Variants in NCKAP5 observed in about 807,000 individuals in gnomAD.
NCKAP5 encodes nck-associated protein 5.
A neutral mutation model predicts 167.0 loss-of-function variants in NCKAP5; 92 were observed. That is an observed-to-expected ratio of 0.55 (90% CI 0.47 to 0.66). The LOEUF is 0.66. Among genes scored for constraint, NCKAP5 ranks in the 30% least tolerant of loss-of-function variants. The pLI is 0.00. For synonymous variants in NCKAP5, 891 were observed against 877.4 expected (o/e 1.02, Z -0.27); for missense variants, 2,378 against 2,315.0 (o/e 1.03, Z -0.56).
intron 3 of NCKAP5, among the ~76,000 whole-genome samples, chr2:133,337,011 C>A (rs1201224692): frequency 6.6e-6 from 1 of 152,174 alleles, no homozygotes; most frequent in Non-Finnish European, 1.5e-5. Context: ...AAACAACAAA[C>A]ATTGTCAGAT....
chr2:133,240,497 T>A (rs986928634), intron 4 of NCKAP5, among the ~76,000 whole-genome samples: 1 of 152,162 alleles, frequency 6.6e-6, no homozygotes, highest in African/African-American at 2.4e-5. Flanking sequence ...TTATTTTTCA[T>A]CCAGATGGCT....
chr2:133,546,489 G>A (rs142165137), intron 2 of NCKAP5, among the ~76,000 whole-genome samples: 11 of 152,164 alleles, frequency 7.2e-5, no homozygotes, highest in African/African-American at 2.6e-4. Context: ...TACAAGCTGC[G>A]CTATAGAGTT....
At chr2:133,293,398 G>A (rs1679737672) in intron 4 of NCKAP5, among the ~76,000 whole-genome samples, 1 of 152,122 alleles carries the variant, frequency 6.6e-6, no homozygotes, top group East Asian at 1.9e-4. Context: ...TCACATACAG[G>A]TGACCTAAGT....
At chr2:133,137,991 T>A (rs559533064) in intron 5 of NCKAP5, among the ~76,000 whole-genome samples, 249 of 152,214 alleles carry the variant, frequency 1.6e-3, no homozygotes, top group African/African-American at 5.0e-3. Flanking sequence ...ACATTTGATT[T>A]TTTTTAGATG....
chr2:133,195,925 C>T (rs1317075928), intron 5 of NCKAP5, among the ~76,000 whole-genome samples: 2 of 152,018 alleles, frequency 1.3e-5, no homozygotes, highest in Admixed American at 6.6e-5. Flanking sequence ...GAAGTAAAGC[C>T]ATTAAGAAAC....
chr2:133,340,100 A>G (rs1270540887), intron 3 of NCKAP5, among the ~76,000 whole-genome samples: 1 of 152,162 alleles, frequency 6.6e-6, no homozygotes, highest in East Asian at 1.9e-4. Context: ...ATGTTTTTAA[A>G]ATTATACTAG....
intron 3 of NCKAP5, among the ~76,000 whole-genome samples, chr2:133,372,848 T>C (rs1283240739): frequency 6.6e-6 from 1 of 152,186 alleles, no homozygotes; most frequent in Non-Finnish European, 1.5e-5. Flanking sequence ...TATCCTTGAC[T>C]AGTTACTATG....
rs937649221 is a variant in NCKAP5, at chr2:133,364,912, G to A, written c.70-61802C>T. Among the ~76,000 whole-genome samples the A allele has an allele frequency of 4.0e-5, 6 of 151,886 alleles. No homozygotes were observed. The South Asian group carries it at 6.3e-4, about 16-fold the overall frequency. ...ACTGCAGGTACATGCCACCATGCTC[G>A]GCTAATTTTTAAACTTTTTGTAGAG... On this transcript the variant is annotated intron_variant, in intron 3 of 19. Transcript: ENST00000409261.
chr2:133,433,652 T>C (rs944886459), intron 3 of NCKAP5: 3 of 152,158 alleles, frequency 2.0e-5, no homozygotes, highest in Admixed American at 6.6e-5. Flanking sequence ...CTACAAAAGT[T>C]TTAGCAGTAA....
rs1680220492 is a variant in NCKAP5, at chr2:133,479,336, T to TAAG, written c.69+38121_69+38122insCTT. Among the ~76,000 whole-genome samples the TAAG allele has an allele frequency of 5.3e-5, 8 of 152,248 alleles. No homozygotes were observed. In the South Asian group the frequency reaches 1.7e-3, roughly 32 times the overall value. The stretch of plus-strand genomic sequence containing the variant: ...TATGAATTTATAAGGTGATTACTGT[T>TAAG]ACAATCACTTTGCTAACGAAGTAAC... On this transcript the variant is annotated intron_variant, in intron 3 of 19. Transcript: ENST00000409261.
intron 8 of NCKAP5, among the ~76,000 whole-genome samples, chr2:132,896,475 T>C (rs1404416712): frequency 6.6e-6 from 1 of 152,184 alleles, no homozygotes; most frequent in Non-Finnish European, 1.5e-5. Flanking sequence ...TAGATATTTC[T>C]AAGCAGTTAG....
rs55826486 is a variant in NCKAP5, at chr2:132,795,820, G to GAAAAAAAAAA, written c.909+798_909+807dup. 3.1e-4 allele frequency among the ~76,000 whole-genome samples: 26 copies of GAAAAAAAAAA among 84,978 alleles called. 1 individual carries two copies. Among genetic ancestry groups the GAAAAAAAAAA allele is most frequent in the East Asian group, 6.4e-4 (2 of 3,142 alleles). 55.7% of individuals were successfully genotyped at this position (84,978 alleles called of 152,430 possible). ...GGCAACAGGATGAGACCCCGTATCA[G>GAAAAAAAAAA]AAAAAAAAAAAAAAAAAACAAAAAA... On this transcript the variant is annotated intron_variant, in intron 12 of 19. Transcript: ENST00000409261.
In NCKAP5 at chr2:133,429,946, A is replaced by G. The variant is rs1690052778; in HGVS notation, c.69+87512T>C. Among the ~76,000 whole-genome samples, 3 of 152,170 alleles carry G rather than the reference A, an allele frequency of 2.0e-5. No individual in the cohort carries two copies. The South Asian group carries it at 6.2e-4, about 31-fold the overall frequency. The stretch of plus-strand genomic sequence containing the variant: ...TAATTTGCATTCCCACTAACAGTGT[A>G]TAAGTGTTCCCTTTTTCTCCACAAC... On this transcript the variant is annotated intron_variant, in intron 3 of 19. Coordinates refer to ENST00000409261, the MANE Select transcript of NCKAP5 (RefSeq NM_207363.3).
At chr2:133,628,222 A>T in the NCKAP5 span, among the ~76,000 whole-genome samples, 1 of 152,206 alleles carries the variant, frequency 6.6e-6, no homozygotes, top group Non-Finnish European at 1.5e-5. Context: ...TGTAGATGAC[A>T]TGATCTTATA....
chr2:133,327,771 C>T (rs777361261), intron 3 of NCKAP5, among the ~76,000 whole-genome samples: 2 of 152,022 alleles, frequency 1.3e-5, no homozygotes, highest in African/African-American at 2.4e-5. Flanking sequence ...AAGACAGTAG[C>T]GACATTAATA....
In NCKAP5 at chr2:132,672,779, AAATT is replaced by A. The variant is rs530958589; in HGVS notation, c.*506_*509del. On this transcript the variant is annotated 3_prime_UTR_variant, in exon 20 of 20. Transcript: ENST00000409261. ...TGTACAAATATTCAAAAAAAGTGCA[AAATT>A]AAGGATTCTGTATCATAGATGTGTT... 31 of 219,392 alleles carry A rather than the reference AAATT, an allele frequency of 1.4e-4. 1 individual carries two copies. The South Asian group carries it at 4.8e-3, about 34-fold the overall frequency. The allele number at this position is 219,392 out of a possible 1,614,324, so 13.6% of individuals were successfully genotyped here.
At chr2:132,857,635 G>A (rs372805106) in intron 11 of NCKAP5, among the ~76,000 whole-genome samples, 7 of 152,124 alleles carry the variant, frequency 4.6e-5, no homozygotes, top group Non-Finnish European at 1.0e-4. Context: ...TTGCTATCCC[G>A]CCATCTCAAT....
intron 3 of NCKAP5, among the ~76,000 whole-genome samples, chr2:133,338,570 C>T (rs983658487): frequency 5.3e-5 from 8 of 152,196 alleles, no homozygotes; most frequent in Admixed American, 2.0e-4. Context: ...CATAAGAAGA[C>T]AGGCATAGCT....
At chr2:133,248,672 T>A (rs1172971445) in intron 4 of NCKAP5, among the ~76,000 whole-genome samples, 1 of 152,206 alleles carries the variant, frequency 6.6e-6, no homozygotes, top group Non-Finnish European at 1.5e-5. Context: ...TGGACAATGT[T>A]GAGCTGCACT....
Sources: gnomAD v4.1 joint callset for allele counts (sites outside exome capture counted in the v4.1 genomes callset) on GRCh38, gnomAD v4.1.1 for gene constraint, MANE v1.5 for transcripts, NCBI Gene and HGNC (gene_info 2026-07-23, HGNC 2026-07-21) for gene names.